Variants in RREB1 observed in about 807,000 individuals in gnomAD.
RREB1 encodes the protein ras-responsive element-binding protein 1.
Under a neutral mutation model 117.8 loss-of-function variants are expected in RREB1, and 27 were observed. The observed-to-expected ratio is 0.23, with a 90% CI of 0.17 to 0.32. The LOEUF (loss-of-function observed/expected upper bound fraction) is 0.32, where lower values mean the gene tolerates loss of function less well. Ranked by LOEUF, RREB1 falls within the 10% of genes least tolerant of loss-of-function variation. The pLI is 1.00. For synonymous variants in RREB1, 1,298 were observed against 1,026.7 expected (o/e 1.26, Z -5.05); for missense variants, 2,577 against 2,378.2 (o/e 1.08, Z -1.74).
At chr6:7,198,869 C>G (rs1765796093) in intron 6 of RREB1, among the ~76,000 whole-genome samples, 1 of 151,972 alleles carries the variant, frequency 6.6e-6, no homozygotes, top group South Asian at 2.1e-4. Context: ...GAGAGTGCAC[C>G]TTGGTAAGAG....
At chr6:7,189,066 G>T (rs951316839) in intron 5 of RREB1, 93 bp from the exon 6 acceptor site, 6 of 1,279,388 alleles carry the variant, frequency 4.7e-6, no homozygotes, top group South Asian at 1.6e-5. Context: ...AAGTTGATTG[G>T]TTTTTTTAAT....
rs201925311 is a variant in RREB1, at chr6:7,150,591, CT to C, written c.-284-26063del. Among the ~76,000 whole-genome samples the C allele has an allele frequency of 8.6e-3, 1,305 of 152,362 alleles. 4 individuals carry two copies. Among genetic ancestry groups the C allele is most frequent in the Non-Finnish European group, 0.011 (763 of 68,042 alleles). On this transcript the variant is annotated intron_variant, in intron 1 of 12. Coordinates refer to ENST00000379938, the MANE Select transcript of RREB1 (RefSeq NM_001003699.4). ...ATACTGTCAGGCAAGGGAAATGCCA[CT>C]AATTTCTGTTTCTTGAATTGCATAC... is the stretch of plus-strand genomic sequence containing the variant.
intron 1 of RREB1, among the ~76,000 whole-genome samples, chr6:7,160,619 C>G (rs985746342): frequency 4.6e-5 from 7 of 152,192 alleles, no homozygotes; most frequent in African/African-American, 7.2e-5. Context: ...AAACAATCCT[C>G]CCGGTTCAGC....
chr6:7,238,276 C>T (rs937916062), intron 10 of RREB1, among the ~76,000 whole-genome samples: 7 of 152,298 alleles, frequency 4.6e-5, no homozygotes, highest in South Asian at 2.1e-4. Context: ...GTCTGTCTGT[C>T]GCCCAGGCTA....
In RREB1 at chr6:7,244,635, T is replaced by C. The variant is rs541940391; in HGVS notation, c.3974-1789T>C. ...TTGCAAAATCATTTCTTCTTTAAAA[T>C]GTTATATTCACACCATAATATTTCT... On this transcript the variant is annotated intron_variant, in intron 11 of 12. Transcript: ENST00000379938. 5.3e-5 allele frequency among the ~76,000 whole-genome samples: 8 copies of C among 152,336 alleles called. No individual in the cohort carries two copies. In the South Asian group the frequency reaches 1.2e-3, roughly 24 times the overall value.
intron 7 of RREB1, 38 bp from the exon 8 acceptor site, chr6:7,211,535 G>A (rs1368982874): frequency 1.2e-6 from 2 of 1,607,048 alleles, no homozygotes; most frequent in Admixed American, 1.7e-5. Context: ...TCCCATGTGG[G>A]AGACCTTCAT....
At chr6:7,208,335 G>T (rs1385705578) in intron 6 of RREB1, among the ~76,000 whole-genome samples, 4 of 152,216 alleles carry the variant, frequency 2.6e-5, no homozygotes, top group African/African-American at 9.6e-5. Flanking sequence ...GGGAAGCAGA[G>T]CAGGGGTCAG....
intron 4 of RREB1, among the ~76,000 whole-genome samples, chr6:7,184,242 G>A (rs1764953890): frequency 6.6e-6 from 1 of 151,588 alleles, no homozygotes; most frequent in South Asian, 2.1e-4. Context: ...TCACAGTGCT[G>A]TCTTTTCTAG....
chr6:7,177,773 A>G (rs1764579972), intron 2 of RREB1, among the ~76,000 whole-genome samples: 1 of 151,752 alleles, frequency 6.6e-6, no homozygotes, highest in Non-Finnish European at 1.5e-5. Flanking sequence ...CCCAGGCTGG[A>G]GTGTAATGGG....
intron 10 of RREB1, among the ~76,000 whole-genome samples, chr6:7,234,487 A>G (rs28555172): frequency 0.039 from 5,886 of 152,232 alleles, 341 homozygotes; most frequent in African/African-American, 0.13. Context: ...GAATCCAGTC[A>G]TGATTGCCTG....
At chr6:7,153,591 C>G (rs572068815) in intron 1 of RREB1, among the ~76,000 whole-genome samples, 1 of 152,238 alleles carries the variant, frequency 6.6e-6, no homozygotes, top group African/African-American at 2.4e-5. Flanking sequence ...AGGTTAAAAA[C>G]AGTTCATCTG....
rs1487270364 is a variant in RREB1 at position 7,207,933 on chromosome 6, T to TGAAAATG, written c.426-2868_426-2862dup. ...TGGTTTTAACAATTAGAACAGCCAG[T>TGAAAATG]GAAAATGGAGAAGTCCTTGTTGGTG... On this transcript the variant is annotated intron_variant, in intron 6 of 12. Transcript: ENST00000379938. Among the ~76,000 whole-genome samples, 18 of 152,198 alleles carry TGAAAATG rather than the reference T, an allele frequency of 1.2e-4. No homozygotes were observed. In the East Asian group the frequency reaches 2.7e-3, roughly 23 times the overall value.
intron 6 of RREB1, among the ~76,000 whole-genome samples, chr6:7,204,342 C>T (rs1766154446): frequency 6.6e-6 from 1 of 151,208 alleles, no homozygotes; most frequent in Non-Finnish European, 1.5e-5. Flanking sequence ...CTCCATCCCC[C>T]ATTTGTTTGC....
chr6:7,199,593 T>C (rs2113584862), intron 6 of RREB1, among the ~76,000 whole-genome samples: 1 of 152,324 alleles, frequency 6.6e-6, no homozygotes, highest in African/African-American at 2.4e-5. Context: ...CTTTTTTGAT[T>C]GCTTGTTCTA....
intron 1 of RREB1, among the ~76,000 whole-genome samples, chr6:7,152,180 A>G: frequency 6.6e-6 from 1 of 152,182 alleles, no homozygotes; most frequent in South Asian, 2.1e-4. Flanking sequence ...TTGGTATCTA[A>G]TTGCACATTA....
At chr6:7,127,789 G>T (rs563000910) in intron 1 of RREB1, among the ~76,000 whole-genome samples, 143 of 152,274 alleles carry the variant, frequency 9.4e-4, no homozygotes, top group African/African-American at 3.3e-3. Context: ...CTGCCTTACA[G>T]CAATTGCCAG....
chr6:7,180,068 G>T (rs954504767), intron 2 of RREB1, among the ~76,000 whole-genome samples: 1 of 152,138 alleles, frequency 6.6e-6, no homozygotes, highest in African/African-American at 2.4e-5. Context: ...TCTCTTTATG[G>T]AGAAAGATGT....
intron 10 of RREB1, among the ~76,000 whole-genome samples, chr6:7,233,906 G>A (rs1260030834): frequency 2.0e-5 from 3 of 152,186 alleles, no homozygotes; most frequent in Non-Finnish European, 2.9e-5. Flanking sequence ...GGGAGCCAGA[G>A]GGGAGTTGTG....
Position 7,189,327 on chromosome 6 carries a change from GT to G in RREB1, c.425+6del. 6.4e-7 allele frequency: 1 copy of G among 1,572,536 alleles called. No individual in the cohort carries two copies. The highest frequency in any genetic ancestry group is 8.6e-7 in the Non-Finnish European group (1 of 1,156,716). On this transcript the variant is annotated splice_donor_region_variant and intron_variant, in intron 6 of 12. Coordinates refer to ENST00000379938, the MANE Select transcript of RREB1 (RefSeq NM_001003699.4). ...CACCAATGGGAACATGCACAGGTGG[GT>G]GAGGGCGCCCTTTGCTTGGGGGGTT...
Sources: allele counts gnomAD v4.1 joint callset (sites outside exome capture counted in the v4.1 genomes callset), GRCh38; gene constraint gnomAD v4.1.1; transcripts MANE v1.5; gene names NCBI Gene and HGNC (gene_info 2026-07-23, HGNC 2026-07-21).